Variants in C14orf119 observed in about 807,000 individuals in gnomAD.
The protein encoded by C14orf119 is chromosome 14 open reading frame 119, also known as uncharacterized protein C14orf119.
A neutral mutation model predicts 13.5 loss-of-function variants in C14orf119; 17 were observed. The observed-to-expected ratio is 1.26, with a 90% CI of 0.86 to 1.88. The LOEUF is 1.88. C14orf119 is among the 40% of genes most tolerant of loss of function. The pLI is 0.00. For synonymous variants in C14orf119, 61 were observed against 61.9 expected (o/e 0.99, Z 0.07); for missense variants, 162 against 165.9 (o/e 0.98, Z 0.13).
Position 23,099,215 on chromosome 14 carries a change from A to G in C14orf119, c.*1134A>G, listed in dbSNP as rs1594801423. On this transcript the variant is annotated 3_prime_UTR_variant, in exon 2 of 2. Transcript: ENST00000319074. ...AGTAGAAATTAAGTATACACAATAGATTTTCCATCCAGTTGTCTCACAAGA... is the reference window on the plus strand; with the variant it reads ...AGTAGAAATTAAGTATACACAATAGGTTTTCCATCCAGTTGTCTCACAAGA... The G allele has an allele frequency of 7.3e-6, 3 of 413,002 alleles. No individual in the cohort carries two copies. The East Asian group carries it at 1.1e-4, about 15-fold the overall frequency. 25.6% of individuals were successfully genotyped at this position (413,002 alleles called of 1,614,324 possible).
chr14:23,100,422 C>T lies in C14orf119; in HGVS notation c.*2341C>T, dbSNP rs1159725019. On this transcript the variant is annotated 3_prime_UTR_variant, in exon 2 of 2. Coordinates refer to ENST00000319074, the MANE Select transcript of C14orf119 (RefSeq NM_017924.4). Reference sequence around the variant, plus strand: ...GCAACCCTGTCTAGGACAATATACACGTGAGTGAGTGCTTAATAAATTTAA... The same window carrying T: ...GCAACCCTGTCTAGGACAATATACATGTGAGTGAGTGCTTAATAAATTTAA... 8 of 412,532 alleles carry T rather than the reference C, an allele frequency of 1.9e-5. No homozygotes were observed. The highest frequency in any genetic ancestry group is 3.6e-5 in the East Asian group (1 of 28,090). The allele number at this position is 412,532 out of a possible 1,614,324, so 25.6% of individuals were successfully genotyped here.
rs140420881 is a variant in C14orf119 at position 23,096,361 on chromosome 14, A to G, written c.-2+742A>G. ...GTGAAACCCCGTCTCTACTAAAAAT[A>G]CAAACAAATTAGCCGGGCGTGGTGG... On this transcript the variant is annotated intron_variant, in intron 1 of 1. Coordinates refer to ENST00000319074, the MANE Select transcript of C14orf119 (RefSeq NM_017924.4). 4.9e-4 allele frequency among the ~76,000 whole-genome samples: 74 copies of G among 151,838 alleles called. 3 individuals are homozygous for G. In the East Asian group the frequency reaches 0.013, roughly 27 times the overall value.
At chr14:23,096,508 C>CAAAAAAAAA (rs61586635) in intron 1 of C14orf119, among the ~76,000 whole-genome samples, 1 of 62,676 alleles carries the variant, frequency 1.6e-5, no homozygotes, top group African/African-American at 8.0e-5. Flanking sequence ...GACTCCGTCT[C>CAAAAAAAAA]AAAAAAAAAA....
chr14:23,099,959 A>G lies in C14orf119; in HGVS notation c.*1878A>G, dbSNP rs2048417199. ...TTTAGGTAGCTAGACACAATCCCTA[A>G]CAGTGCTTAAGAAAGGAAGGGGGCT... On this transcript the variant is annotated 3_prime_UTR_variant, in exon 2 of 2. Transcript: ENST00000319074. 6.0e-6 allele frequency: 1 copy of G among 167,676 alleles called. No homozygotes were observed. Among genetic ancestry groups the G allele is most frequent in the East Asian group, 1.9e-4 (1 of 5,224 alleles). 10.4% of individuals were successfully genotyped at this position (167,676 alleles called of 1,614,324 possible).
In C14orf119 at chr14:23,099,926, CTA is replaced by C. The variant is rs2048416987; in HGVS notation, c.*1847_*1848del. The C allele has an allele frequency of 5.9e-6, 1 of 168,134 alleles. No individual in the cohort carries two copies. Among genetic ancestry groups the C allele is most frequent in the South Asian group, 2.1e-4 (1 of 4,830 alleles). 10.4% of individuals were successfully genotyped at this position (168,134 alleles called of 1,614,324 possible). ...GAAGTGGCTTAAGGGAAGAGTCAGT[CTA>C]TGTTCTTTAGGTAGCTAGACACAAT... On this transcript the variant is annotated 3_prime_UTR_variant, in exon 2 of 2. Transcript: ENST00000319074.
chr14:23,098,348 G>A lies in C14orf119; in HGVS notation c.*267G>A. 4.7e-6 allele frequency: 2 copies of A among 425,746 alleles called. No homozygotes were observed. The highest frequency in any genetic ancestry group is 9.0e-6 in the Non-Finnish European group (2 of 223,240). The allele number at this position is 425,746 out of a possible 1,614,324, so 26.4% of individuals were successfully genotyped here. A position where few individuals can be genotyped will look rare whatever the true frequency, so the allele number is the denominator to read the frequency against. On this transcript the variant is annotated 3_prime_UTR_variant, in exon 2 of 2. Coordinates refer to ENST00000319074, the MANE Select transcript of C14orf119 (RefSeq NM_017924.4). ...AGAGATGTCAAGTCCTCAAGAATTTGATGGCTTCTTCTGCAGCTATAACCA... is the reference window on the plus strand; with the variant it reads ...AGAGATGTCAAGTCCTCAAGAATTTAATGGCTTCTTCTGCAGCTATAACCA...
rs2048415839 is a variant in C14orf119, at chr14:23,099,762, A to G, written c.*1681A>G. ...TTTACCCTTAAAGATAGAGCTCATG[A>G]AGCCCCGCCTCATCCAAGCATTAAG... is the stretch of plus-strand genomic sequence containing the variant. On this transcript the variant is annotated 3_prime_UTR_variant, in exon 2 of 2. Transcript: ENST00000319074. 3.9e-6 allele frequency: 1 copy of G among 258,438 alleles called. No homozygotes were observed. The highest frequency in any genetic ancestry group is 7.8e-6 in the Non-Finnish European group (1 of 128,436). 16.0% of individuals were successfully genotyped at this position (258,438 alleles called of 1,614,324 possible). A position where few individuals can be genotyped will look rare whatever the true frequency, so the allele number is the denominator to read the frequency against.
rs747746207 is a variant in C14orf119 at position 23,097,733 on chromosome 14, C to A, written c.75C>A (p.Asn25Lys). The change falls in exon 2 of 2, where the codon AAC becomes AAA. Residue 25 changes from asparagine (N) to lysine (K), a missense_variant. Asn to Lys is a moderately conservative substitution (Grantham distance 94, BLOSUM62 0). Coordinates refer to ENST00000319074, the MANE Select transcript of C14orf119 (RefSeq NM_017924.4). Reference sequence around the variant, plus strand: ...TACCCTCAGTACCACACAATACTAACCCTTCCCCTCCTCTGATGTCTTACA... The same window carrying A: ...TACCCTCAGTACCACACAATACTAAACCTTCCCCTCCTCTGATGTCTTACA... ...SLLPSVPHNT[N>K]PSPPLMSYIT... 1 of 1,614,042 alleles carries A rather than the reference C, an allele frequency of 6.2e-7. No individual in the cohort carries two copies. Among genetic ancestry groups the A allele is most frequent in the Non-Finnish European group, 8.5e-7 (1 of 1,179,894 alleles).
chr14:23,098,290 C>A lies in C14orf119; in HGVS notation c.*209C>A. The A allele has an allele frequency of 1.7e-6, 1 of 576,804 alleles. No homozygotes were observed. Among genetic ancestry groups the A allele is most frequent in the Non-Finnish European group, 3.2e-6 (1 of 317,332 alleles). The allele number at this position is 576,804 out of a possible 1,614,324, so 35.7% of individuals were successfully genotyped here. On this transcript the variant is annotated 3_prime_UTR_variant, in exon 2 of 2. Coordinates refer to ENST00000319074, the MANE Select transcript of C14orf119 (RefSeq NM_017924.4). ...GTAAATGTTATCAATCTAAGCAATC[C>A]AGCTCATCAGTCTACTAGTTTGCTT...
Position 23,099,373 on chromosome 14 carries a change from C to G in C14orf119, c.*1292C>G, listed in dbSNP as rs951671964. ...AGATGGTCTCACAGGAAGAGTGGCT[C>G]TTTTCTGGTAGGCTGTGGTTCCCAT... On this transcript the variant is annotated 3_prime_UTR_variant, in exon 2 of 2. Coordinates refer to ENST00000319074, the MANE Select transcript of C14orf119 (RefSeq NM_017924.4). 4 of 413,314 alleles carry G rather than the reference C, an allele frequency of 9.7e-6. No homozygotes were observed. Among genetic ancestry groups the G allele is most frequent in the African/African-American group, 8.2e-5 (4 of 48,614 alleles). 25.6% of individuals were successfully genotyped at this position (413,314 alleles called of 1,614,324 possible). A position where few individuals can be genotyped will look rare whatever the true frequency, so the allele number is the denominator to read the frequency against.
chr14:23,099,505 G>A lies in C14orf119; in HGVS notation c.*1424G>A. On this transcript the variant is annotated 3_prime_UTR_variant, in exon 2 of 2. Coordinates refer to ENST00000319074, the MANE Select transcript of C14orf119 (RefSeq NM_017924.4). ...AACCAGCAACCTAGGAACATAGAAG[G>A]TAATATTTGGCATGGAATAATGCCT... The A allele has an allele frequency of 2.4e-6, 1 of 410,962 alleles. No individual in the cohort carries two copies. Among genetic ancestry groups the A allele is most frequent in the Non-Finnish European group, 4.4e-6 (1 of 224,850 alleles). The allele number at this position is 410,962 out of a possible 1,614,324, so 25.5% of individuals were successfully genotyped here.
At position 23,099,699 on chromosome 14, in the gene C14orf119, A is replaced by G; in HGVS notation, c.*1618A>G. ...CTCAACCTTCCGAATAGCTGGGACT[A>G]CAGGCGCACGCCGCACCACCACGTC... On this transcript the variant is annotated 3_prime_UTR_variant, in exon 2 of 2. Transcript: ENST00000319074. 1 of 345,630 alleles carries G rather than the reference A, an allele frequency of 2.9e-6. No individual in the cohort carries two copies. The highest frequency in any genetic ancestry group is 5.4e-6 in the Non-Finnish European group (1 of 184,810). 21.4% of individuals were successfully genotyped at this position (345,630 alleles called of 1,614,324 possible). A position where few individuals can be genotyped will look rare whatever the true frequency, so the allele number is the denominator to read the frequency against.
chr14:23,098,163 C>T lies in C14orf119; in HGVS notation c.*82C>T. ...TGATAACTCAATTCAAATGTGTCGC[C>T]TAAAGCTCTGGAACTGGTATTCCAA... On this transcript the variant is annotated 3_prime_UTR_variant, in exon 2 of 2. Coordinates refer to ENST00000319074, the MANE Select transcript of C14orf119 (RefSeq NM_017924.4). 1 of 1,469,966 alleles carries T rather than the reference C, an allele frequency of 6.8e-7. No individual in the cohort carries two copies. Among genetic ancestry groups the T allele is most frequent in the Non-Finnish European group, 9.3e-7 (1 of 1,076,432 alleles). 91.1% of individuals were successfully genotyped at this position (1,469,966 alleles called of 1,614,324 possible).
Position 23,095,519 on chromosome 14 carries a change from TG to T in C14orf119, c.-100del. The T allele has an allele frequency of 1.8e-6, 1 of 560,792 alleles. No homozygotes were observed. Among genetic ancestry groups the T allele is most frequent in the Non-Finnish European group, 3.1e-6 (1 of 324,276 alleles). 34.7% of individuals were successfully genotyped at this position (560,792 alleles called of 1,614,324 possible). ...GCCGGAAGTGCGTGGGCTGCCGGGC[TG>T]GCCCAGCTTAGGGTTTTCAGGAAAT... is the stretch of plus-strand genomic sequence containing the variant. On this transcript the variant is annotated 5_prime_UTR_variant, in exon 1 of 2. Coordinates refer to ENST00000319074, the MANE Select transcript of C14orf119 (RefSeq NM_017924.4).
rs1365657359 is a variant in C14orf119 at position 23,098,511 on chromosome 14, T to TTACC, written c.*431_*434dup. 1 of 191,270 alleles carries TTACC rather than the reference T, an allele frequency of 5.2e-6. No homozygotes were observed. Among genetic ancestry groups the TTACC allele is most frequent in the Non-Finnish European group, 1.2e-5 (1 of 80,280 alleles). 11.8% of individuals were successfully genotyped at this position (191,270 alleles called of 1,614,324 possible). ...TTTACCTGGATTCCATTGGCTGGTT[T>TTACC]TACCACTCCTATCAGATTGTAGTGT... On this transcript the variant is annotated 3_prime_UTR_variant, in exon 2 of 2. Transcript: ENST00000319074.
Position 23,098,789 on chromosome 14 carries a change from GTATC to G in C14orf119, c.*711_*714del, listed in dbSNP as rs1440034348. 1 of 162,314 alleles carries G rather than the reference GTATC, an allele frequency of 6.2e-6. No homozygotes were observed. Among genetic ancestry groups the G allele is most frequent in the African/African-American group, 2.4e-5 (1 of 41,366 alleles). The allele number at this position is 162,314 out of a possible 1,614,324, so 10.1% of individuals were successfully genotyped here. A position where few individuals can be genotyped will look rare whatever the true frequency, so the allele number is the denominator to read the frequency against. ...TAATCTTTCTGCCTCAGTCTCCTGA[GTATC>G]TAGGACTACAGGCCCGCACAACAAT... On this transcript the variant is annotated 3_prime_UTR_variant, in exon 2 of 2. Coordinates refer to ENST00000319074, the MANE Select transcript of C14orf119 (RefSeq NM_017924.4).
rs1429508100 is a variant in C14orf119 at position 23,098,300 on chromosome 14, G to A, written c.*219G>A. 1.8e-6 allele frequency: 1 copy of A among 550,134 alleles called. No individual in the cohort carries two copies. Among genetic ancestry groups the A allele is most frequent in the African/African-American group, 1.9e-5 (1 of 52,988 alleles). 34.1% of individuals were successfully genotyped at this position (550,134 alleles called of 1,614,324 possible). A position where few individuals can be genotyped will look rare whatever the true frequency, so the allele number is the denominator to read the frequency against. ...TCAATCTAAGCAATCCAGCTCATCA[G>A]TCTACTAGTTTGCTTCTTTCCGAGA... is the stretch of plus-strand genomic sequence containing the variant. On this transcript the variant is annotated 3_prime_UTR_variant, in exon 2 of 2. Coordinates refer to ENST00000319074, the MANE Select transcript of C14orf119 (RefSeq NM_017924.4).
chr14:23,096,076 C>T (rs2048366637), intron 1 of C14orf119, among the ~76,000 whole-genome samples: 1 of 152,182 alleles, frequency 6.6e-6, no homozygotes, highest in Non-Finnish European at 1.5e-5. Flanking sequence ...ACTACCAATC[C>T]TCCAACTTGA....
At chr14:23,095,951 G>A (rs892008850) in intron 1 of C14orf119, among the ~76,000 whole-genome samples, 2 of 152,358 alleles carry the variant, frequency 1.3e-5, no homozygotes, top group Non-Finnish European at 2.9e-5. Flanking sequence ...GCAGAAGAGA[G>A]TAAGTTCCCT....
Sources: gnomAD v4.1 joint callset for allele counts (sites outside exome capture counted in the v4.1 genomes callset) on GRCh38, gnomAD v4.1.1 for gene constraint, MANE v1.5 for transcripts, NCBI Gene and HGNC (gene_info 2026-07-23, HGNC 2026-07-21) for gene names.